Variants in FOXO1 observed in about 807,000 individuals in gnomAD.
FOXO1 encodes forkhead box protein O1.
Under a neutral mutation model 44.1 loss-of-function variants are expected in FOXO1, and 6 were observed. The observed-to-expected ratio is 0.14, with a 90% CI of 0.07 to 0.27. The LOEUF is 0.27. FOXO1 is among the 10% of genes least tolerant of loss of function. The pLI is 1.00. For missense variants in FOXO1, 737 were observed against 888.8 expected (o/e 0.83, Z 2.17); for synonymous variants, 380 against 362.7 (o/e 1.05, Z -0.54).
chr13:40,647,407 T>C (rs1203638750), intron 1 of FOXO1, among the ~76,000 whole-genome samples: 1 of 152,166 alleles, frequency 6.6e-6, no homozygotes, highest in Non-Finnish European at 1.5e-5. Flanking sequence ...ATTTATTTCT[T>C]CCCCTCCCCT....
intron 1 of FOXO1, among the ~76,000 whole-genome samples, chr13:40,656,339 T>C (rs978426707): frequency 6.6e-6 from 1 of 152,246 alleles, no homozygotes; most frequent in African/African-American, 2.4e-5. Flanking sequence ...CATAATTGCC[T>C]TAAGTATATT....
chr13:40,568,828 TA>T (rs1471744828), intron 1 of FOXO1, among the ~76,000 whole-genome samples: 1 of 151,036 alleles, frequency 6.6e-6, no homozygotes, highest in Admixed American at 6.6e-5. Context: ...GGCGGCCTGG[TA>T]AAACCGGAAG....
Position 40,571,187 on chromosome 13 carries a change from G to A in FOXO1, c.631-10327C>T, listed in dbSNP as rs190830175. On this transcript the variant is annotated intron_variant, in intron 1 of 2. Coordinates refer to ENST00000379561, the MANE Select transcript of FOXO1 (RefSeq NM_002015.4). ...AATGCCTTGTTTGAAGAGATCTGTA[G>A]GCGGAAGGGGAACATCACACACCGG... Among the ~76,000 whole-genome samples the A allele has an allele frequency of 2.3e-3, 345 of 151,838 alleles. 3 individuals are homozygous for A. The highest frequency in any genetic ancestry group is 5.7e-3 in the South Asian group (27 of 4,772).
chr13:40,592,380 A>G (rs1365820734), intron 1 of FOXO1, among the ~76,000 whole-genome samples: 1 of 152,238 alleles, frequency 6.6e-6, no homozygotes, highest in African/African-American at 2.4e-5. Flanking sequence ...TAGACCTGCA[A>G]TATCTTTGAA....
chr13:40,656,159 C>T (rs1877853303), intron 1 of FOXO1, among the ~76,000 whole-genome samples: 1 of 152,190 alleles, frequency 6.6e-6, no homozygotes, highest in Non-Finnish European at 1.5e-5. Context: ...TTAACCTCCT[C>T]TGGATCTATT....
chr13:40,636,072 T>C (rs1877138710), intron 1 of FOXO1, among the ~76,000 whole-genome samples: 1 of 152,000 alleles, frequency 6.6e-6, no homozygotes, highest in African/African-American at 2.4e-5. Context: ...TAGCCAGGCG[T>C]GGCATGGTGC....
chr13:40,625,182 G>T (rs181222210), intron 1 of FOXO1, among the ~76,000 whole-genome samples: 10 of 152,096 alleles, frequency 6.6e-5, no homozygotes, highest in African/African-American at 2.4e-4. Flanking sequence ...TTCAACGTGG[G>T]GAAAAAAGAG....
intron 1 of FOXO1, among the ~76,000 whole-genome samples, chr13:40,620,783 A>G (rs1220278872): frequency 2.1e-5 from 3 of 145,410 alleles, no homozygotes; most frequent in Non-Finnish European, 4.5e-5. Context: ...CTGGAAAACT[A>G]CTATTCTTCC....
chr13:40,582,408 C>T (rs556026249), intron 1 of FOXO1, among the ~76,000 whole-genome samples: 3 of 152,178 alleles, frequency 2.0e-5, no homozygotes, highest in South Asian at 2.1e-4. Flanking sequence ...TAAAACAACA[C>T]AATTAAATTT....
intron 1 of FOXO1, among the ~76,000 whole-genome samples, chr13:40,582,698 G>A (rs1307171688): frequency 1.3e-5 from 2 of 152,136 alleles, no homozygotes; most frequent in African/African-American, 4.8e-5. Flanking sequence ...TGAGATTGCT[G>A]CAATTCAATC....
rs372231254 is a variant in FOXO1, at chr13:40,598,988, T to C, written c.631-38128A>G. On this transcript the variant is annotated intron_variant, in intron 1 of 2. Coordinates refer to ENST00000379561, the MANE Select transcript of FOXO1 (RefSeq NM_002015.4). The stretch of plus-strand genomic sequence containing the variant: ...TTGGGAAAATAAATCTTGTTTGTTG[T>C]ATGAAACACTTTTAAGATAAAGTTC... Among the ~76,000 whole-genome samples, 4 of 152,346 alleles carry C rather than the reference T, an allele frequency of 2.6e-5. No individual in the cohort carries two copies. In the South Asian group the frequency reaches 8.3e-4, roughly 32 times the overall value.
At chr13:40,607,354 G>A (rs1876043252) in intron 1 of FOXO1, among the ~76,000 whole-genome samples, 1 of 152,198 alleles carries the variant, frequency 6.6e-6, no homozygotes, top group South Asian at 2.1e-4. Flanking sequence ...CTCTGAAGCA[G>A]AAAGCTGTCC....
chr13:40,665,310 C>G (rs1343057784), intron 1 of FOXO1, among the ~76,000 whole-genome samples: 1 of 152,180 alleles, frequency 6.6e-6, no homozygotes, highest in Admixed American at 6.5e-5. Flanking sequence ...CGGCCTCGCT[C>G]TGACGTCCAC....
chr13:40,642,675 C>G (rs1198830721), intron 1 of FOXO1, among the ~76,000 whole-genome samples: 2 of 152,000 alleles, frequency 1.3e-5, no homozygotes, highest in African/African-American at 4.8e-5. Flanking sequence ...TCCCAGGACT[C>G]TGGAAGGCCA....
At chr13:40,651,574 G>A (rs1329002847) in intron 1 of FOXO1, among the ~76,000 whole-genome samples, 14 of 152,074 alleles carry the variant, frequency 9.2e-5, no homozygotes. Context: ...CCTCTAAAAT[G>A]TAGTCATCAA....
At position 40,604,668 on chromosome 13, in the gene FOXO1, A is replaced by C. The variant is rs550322867; in HGVS notation, c.631-43808T>G. ...GGAAGCTTTCTTCTTTAAACATGCCATGACAACAGGAGTCTAAACCAGACA... is the reference window on the plus strand; with the variant it reads ...GGAAGCTTTCTTCTTTAAACATGCCCTGACAACAGGAGTCTAAACCAGACA... On this transcript the variant is annotated intron_variant, in intron 1 of 2. Coordinates refer to ENST00000379561, the MANE Select transcript of FOXO1 (RefSeq NM_002015.4). Among the ~76,000 whole-genome samples, 4 of 152,302 alleles carry C rather than the reference A, an allele frequency of 2.6e-5. No homozygotes were observed. The East Asian group carries it at 7.7e-4, about 29-fold the overall frequency.
intron 1 of FOXO1, among the ~76,000 whole-genome samples, chr13:40,628,257 G>A (rs897378184): frequency 3.3e-5 from 5 of 151,912 alleles, no homozygotes; most frequent in Admixed American, 6.6e-5. Context: ...GTTCTCGAGC[G>A]TGGTGATGTT....
At chr13:40,636,995 T>C (rs1249257642) in intron 1 of FOXO1, among the ~76,000 whole-genome samples, 1 of 152,140 alleles carries the variant, frequency 6.6e-6, no homozygotes, top group Non-Finnish European at 1.5e-5. Flanking sequence ...CAACCCTTGA[T>C]CATTATTGCA....
At chr13:40,594,270 T>C (rs994256362) in intron 1 of FOXO1, among the ~76,000 whole-genome samples, 1 of 151,912 alleles carries the variant, frequency 6.6e-6, no homozygotes, top group Non-Finnish European at 1.5e-5. Context: ...AGGGGGCCAA[T>C]GGGGGCAGCG....
Sources: gnomAD v4.1 joint callset for allele counts (sites outside exome capture counted in the v4.1 genomes callset) on GRCh38, gnomAD v4.1.1 for gene constraint, MANE v1.5 for transcripts, NCBI Gene and HGNC (gene_info 2026-07-23, HGNC 2026-07-21) for gene names.